FGGY: variants seen among roughly 807,000 people sequenced by gnomAD.
FGGY encodes the protein FGGY carbohydrate kinase domain-containing protein.
A neutral mutation model predicts 71.3 loss-of-function variants in FGGY; 72 were observed. That is an observed-to-expected ratio of 1.01 (90% CI 0.84 to 1.23). The LOEUF (loss-of-function observed/expected upper bound fraction) is 1.23, where lower values mean the gene tolerates loss of function less well. Among genes scored for constraint, FGGY ranks in the 50% most tolerant of loss-of-function variants. FGGY has a pLI of 0.00. For missense variants in FGGY, 668 were observed against 682.3 expected (o/e 0.98, Z 0.23); for synonymous variants, 251 against 250.3 (o/e 1.00, Z -0.02).
chr1:59,585,597 G>A (rs1364691892), intron 8 of FGGY, among the ~76,000 whole-genome samples: 1 of 152,160 alleles, frequency 6.6e-6, no homozygotes, highest in East Asian at 1.9e-4. Flanking sequence ...CACCATTCAG[G>A]ACATAGGCAT....
intron 3 of FGGY, 116 bp from the exon 4 acceptor site, chr1:59,346,131 A>G: frequency 7.5e-7 from 1 of 1,334,874 alleles, no homozygotes; most frequent in South Asian, 1.4e-5. Flanking sequence ...CACACTCTTG[A>G]TACATAAAAT....
chr1:59,591,150 CAAAG>C (rs1473250530), intron 8 of FGGY, among the ~76,000 whole-genome samples: 2 of 152,008 alleles, frequency 1.3e-5, no homozygotes, highest in East Asian at 1.9e-4. Context: ...CAATAACAGA[CAAAG>C]AGAGAGCCAA....
At chr1:59,348,363 A>G (rs575031300) in intron 4 of FGGY, among the ~76,000 whole-genome samples, 2 of 152,270 alleles carry the variant, frequency 1.3e-5, no homozygotes, top group Non-Finnish European at 1.5e-5. Context: ...CGAGTTTCTC[A>G]TCCTTAAATG....
intron 6 of FGGY, among the ~76,000 whole-genome samples, chr1:59,483,786 C>T (rs1380951861): frequency 6.6e-6 from 1 of 152,124 alleles, no homozygotes; most frequent in African/African-American, 2.4e-5. Context: ...AATTTCCTCA[C>T]TGTTATTCCA....
intron 7 of FGGY, among the ~76,000 whole-genome samples, chr1:59,548,850 C>A (rs755665723): frequency 2.6e-5 from 4 of 151,982 alleles, no homozygotes; most frequent in Non-Finnish European, 5.9e-5. Flanking sequence ...GTACTTTACA[C>A]CTATATTAAC....
intron 8 of FGGY, among the ~76,000 whole-genome samples, chr1:59,576,653 T>TACAG (rs869282788): frequency 2.0e-4 from 21 of 106,880 alleles, no homozygotes; most frequent in Middle Eastern, 4.2e-3. Context: ...TGCTAGAGAT[T>TACAG]ACAGACAGAC....
intron 14 of FGGY, among the ~76,000 whole-genome samples, chr1:59,733,461 G>GTTTTTTTTT (rs139679887): frequency 1.4e-5 from 2 of 144,978 alleles, no homozygotes. Context: ...GTTTTGTTTT[G>GTTTTTTTTT]TTTTTTTGTT....
At chr1:59,728,207 T>A (rs535823152) in intron 14 of FGGY, among the ~76,000 whole-genome samples, 25 of 152,218 alleles carry the variant, frequency 1.6e-4, no homozygotes, top group Non-Finnish European at 2.5e-4. Context: ...CTTCTTTTTT[T>A]AAAAGGTAGT....
intron 14 of FGGY, among the ~76,000 whole-genome samples, chr1:59,687,631 TA>T (rs2097555189): frequency 6.8e-6 from 1 of 147,768 alleles, no homozygotes; most frequent in Admixed American, 6.8e-5. Flanking sequence ...CACACCTGGC[TA>T]TTTTTTTTTT....
chr1:59,476,300 A>ATAGG (rs1417491597), intron 6 of FGGY, among the ~76,000 whole-genome samples: 2 of 152,208 alleles, frequency 1.3e-5, no homozygotes, highest in Non-Finnish European at 2.9e-5. Flanking sequence ...TGGATGCTTT[A>ATAGG]TAGGTATTAA....
intron 9 of FGGY, among the ~76,000 whole-genome samples, chr1:59,620,782 C>G (rs922593715): frequency 2.5e-4 from 38 of 151,972 alleles, no homozygotes; most frequent in Non-Finnish European, 4.3e-4. Context: ...TATAAATACC[C>G]TTCAACTGTG....
intron 5 of FGGY, among the ~76,000 whole-genome samples, chr1:59,389,438 G>T (rs757196013): frequency 2.0e-5 from 3 of 152,204 alleles, no homozygotes; most frequent in Admixed American, 6.5e-5. Context: ...CCTATTGTGT[G>T]CATATACTAC....
At chr1:59,459,890 C>T (rs1267914497) in intron 6 of FGGY, among the ~76,000 whole-genome samples, 1 of 152,184 alleles carries the variant, frequency 6.6e-6, no homozygotes, top group African/African-American at 2.4e-5. Context: ...GAGTGATTAT[C>T]TGCATTACTA....
intron 4 of FGGY, among the ~76,000 whole-genome samples, chr1:59,355,001 G>A (rs561231065): frequency 2.2e-4 from 33 of 152,230 alleles, no homozygotes; most frequent in Non-Finnish European, 1.6e-4. Context: ...AAGGCACAGA[G>A]GCGTAGGAGG....
chr1:59,339,305 T>C (rs1481226607), intron 2 of FGGY, among the ~76,000 whole-genome samples: 1 of 152,146 alleles, frequency 6.6e-6, no homozygotes. Context: ...ATTAATCTTT[T>C]ATATTTTTGC....
chr1:59,591,525 C>T (rs916783587), intron 8 of FGGY, among the ~76,000 whole-genome samples: 44 of 152,176 alleles, frequency 2.9e-4, no homozygotes, highest in Non-Finnish European at 5.4e-4. Context: ...ATCACGCTAC[C>T]TGACTTCAAA....
chr1:59,375,382 C>G (rs750556699), intron 4 of FGGY, among the ~76,000 whole-genome samples: 2 of 152,014 alleles, frequency 1.3e-5, no homozygotes, highest in African/African-American at 2.4e-5. Context: ...CTCATTCAGT[C>G]CTTATTCCTC....
chr1:59,716,860 T>C (rs1250997914), intron 14 of FGGY, among the ~76,000 whole-genome samples: 1 of 151,892 alleles, frequency 6.6e-6, no homozygotes, highest in African/African-American at 2.4e-5. Context: ...CCTGCAGAAA[T>C]GGAAGTGAGA....
At chr1:59,495,758 G>C (rs888167395) in intron 6 of FGGY, among the ~76,000 whole-genome samples, 1 of 152,058 alleles carries the variant, frequency 6.6e-6, no homozygotes, top group Non-Finnish European at 1.5e-5. Flanking sequence ...CTTATTGCTT[G>C]TTTGTGTCAA....
Sources: gnomAD v4.1 joint callset for allele counts (sites outside exome capture counted in the v4.1 genomes callset) on GRCh38, gnomAD v4.1.1 for gene constraint, MANE v1.5 for transcripts, NCBI Gene and HGNC (gene_info 2026-07-23, HGNC 2026-07-21) for gene names.